MMP3: variants seen among roughly 807,000 people sequenced by gnomAD.
MMP3 encodes the protein matrix metallopeptidase 3.
In MMP3, 46 loss-of-function variants were observed where a neutral mutation model predicts 47.3. That is an observed-to-expected ratio of 0.97 (90% CI 0.77 to 1.24). MMP3 has a LOEUF of 1.24. Ranked by LOEUF, MMP3 falls within the 50% of genes most tolerant of loss-of-function variation. The pLI, the probability that MMP3 is intolerant of heterozygous loss-of-function variation, is 0.00. For missense variants in MMP3, 558 were observed against 565.5 expected, an observed-to-expected ratio of 0.99 and a Z score of 0.13; for synonymous variants, 216 against 206.5, an observed-to-expected ratio of 1.05 and a Z score of -0.39.
chr11:102,838,627 C>T lies in MMP3; in HGVS notation c.1153G>A (p.Val385Met), dbSNP rs202217886. The T allele has an allele frequency of 2.6e-4, 423 of 1,613,486 alleles. 2 individuals carry two copies. The South Asian group carries it at 2.8e-3, about 11-fold the overall frequency. Residue 385 changes from valine to methionine, a missense_variant, in exon 8 of 10, where the codon GTG becomes ATG. Coordinates refer to ENST00000299855, the MANE Select transcript of MMP3 (RefSeq NM_002422.5). The part of the protein sequence containing the change: ...GIHTLGFPPT[V>M]RKIDAAISDK... ...GAAATGGCTGCATCGATTTTCCTCA[C>T]GGTTGGAGGGAAACCTAGGGTGTGG...
chr11:102,838,552 T>A lies in MMP3; in HGVS notation c.1228A>T (p.Arg410Ter), dbSNP rs1378359129. 4.3e-6 allele frequency: 7 copies of A among 1,610,268 alleles called. No homozygotes were observed. Among genetic ancestry groups the A allele is most frequent in the Non-Finnish European group, 5.9e-6 (7 of 1,178,852 alleles). ...AAAGTCATTTCTCTTGCATCTCACC[T>A]CCAGTATTTGTCCTCTACAAAGAAA... ...TYFFVEDKYWRFDEKRNSMEP... is the reference protein window; with the variant it reads ...TYFFVEDKYW Residue 410 changes from arginine (R) to a stop codon, truncating the protein, a stop_gained and splice_region_variant, in exon 8 of 10, where the codon AGA (arginine) becomes TGA (stop). Coordinates refer to ENST00000299855, the MANE Select transcript of MMP3 (RefSeq NM_002422.5). LOFTEE classifies it high-confidence loss of function.
In MMP3 at chr11:102,836,198, T is replaced by C; in HGVS notation, c.1362A>G (p.Ser454=). 2.5e-6 allele frequency: 4 copies of C among 1,613,740 alleles called. No homozygotes were observed. The highest frequency in any genetic ancestry group is 2.5e-6 in the Non-Finnish European group (3 of 1,179,798). ...FGFFYFFTGS[S]QLEFDPNAKK... ...TTGCATTTGGGTCAAACTCCAACTGTGAAGATCCAGTAAAGAAATAAAAGA... is the reference window on the plus strand; with the variant it reads ...TTGCATTTGGGTCAAACTCCAACTGCGAAGATCCAGTAAAGAAATAAAAGA... Residue 454 remains serine (S), a synonymous_variant, in exon 10 of 10, where the codon TCA becomes TCG. Transcript: ENST00000299855. This position sits in a 1 kb window ranked among gnomAD's most constrained non-coding sequence, Gnocchi z 4.6.
At chr11:102,842,405 T>TTTTTTTTTTTTTTTTTTTTTTTTTTTTC in intron 3 of MMP3, 26 bp downstream of exon 3, 2 of 180,190 alleles carry the variant, frequency 1.1e-5, no homozygotes, top group Non-Finnish European at 1.5e-5. Flanking sequence ...TTTGTTTTGC[T>TTTTTTTTTTTTTTTTTTTTTTTTTTTTC]TTTTTTTTTT....
chr11:102,836,697 G>C lies in MMP3; in HGVS notation c.1334-471C>G. On this transcript the variant is annotated intron_variant, in intron 9 of 9. Transcript: ENST00000299855. This position sits in a 1 kb window ranked among gnomAD's most constrained non-coding sequence, Gnocchi z 4.6. The stretch of plus-strand genomic sequence containing the variant: ...CACAGCAACTATTTCAAAACACCAG[G>C]GGACCCTTTAGTGCTCTGCAAACAT... The C allele has an allele frequency of 2.5e-6, 1 of 392,208 alleles. No homozygotes were observed. Among genetic ancestry groups the C allele is most frequent in the African/African-American group, 2.1e-5 (1 of 47,770 alleles). 24.3% of individuals were successfully genotyped at this position (392,208 alleles called of 1,614,324 possible).
chr11:102,838,759 C>A, intron 7 of MMP3, 49 bp from the exon 8 acceptor site: 1 of 1,554,312 alleles, frequency 6.4e-7, no homozygotes, highest in East Asian at 2.3e-5. Flanking sequence ...AACAGTTAAG[C>A]CCTTTCGCTT....
chr11:102,836,817 C>T lies in MMP3; in HGVS notation c.1333+481G>A. On this transcript the variant is annotated intron_variant, in intron 9 of 9. Coordinates refer to ENST00000299855, the MANE Select transcript of MMP3 (RefSeq NM_002422.5). The surrounding 1 kb of genome is among the most constrained non-coding windows in gnomAD (Gnocchi z 4.6). ...TTTTTTTTTTTTTAAACTTTGGGCACATGGAAAGGTAAGTATTTGCAAATG... is the reference window on the plus strand; with the variant it reads ...TTTTTTTTTTTTTAAACTTTGGGCATATGGAAAGGTAAGTATTTGCAAATG... 4.4e-6 allele frequency: 1 copy of T among 224,902 alleles called. No homozygotes were observed. Among genetic ancestry groups the T allele is most frequent in the Non-Finnish European group, 8.9e-6 (1 of 112,088 alleles). The allele number at this position is 224,902 out of a possible 1,614,324, so 13.9% of individuals were successfully genotyped here. A position where few individuals can be genotyped will look rare whatever the true frequency, so the allele number is the denominator to read the frequency against.
intron 8 of MMP3, among the ~76,000 whole-genome samples, chr11:102,838,180 C>T (rs1176689703): frequency 6.6e-6 from 1 of 152,082 alleles, no homozygotes; most frequent in Non-Finnish European, 1.5e-5. Flanking sequence ...CGCTAAATTG[C>T]GGTCTGGGTT....
intron 4 of MMP3, among the ~76,000 whole-genome samples, chr11:102,841,718 A>G (rs1555005447): frequency 6.6e-6 from 1 of 152,044 alleles, no homozygotes. Flanking sequence ...GCCAGAAAAA[A>G]AAAAAAAAGA....
rs782182277 is a variant in MMP3 at position 102,838,572 on chromosome 11, A to G, written c.1208T>C (p.Phe403Ser). 11 of 1,613,744 alleles carry G rather than the reference A, an allele frequency of 6.8e-6. No individual in the cohort carries two copies. The highest frequency in any genetic ancestry group is 1.1e-5 in the South Asian group (1 of 90,990). Reference sequence around the variant, plus strand: ...TCACCTCCAGTATTTGTCCTCTACAAAGAAATATGTTTTGTTCTTTTCCTT... The same window carrying G: ...TCACCTCCAGTATTTGTCCTCTACAGAGAAATATGTTTTGTTCTTTTCCTT... Reference protein sequence around the residue: ...SDKEKNKTYFFVEDKYWRFDE... With the variant: ...SDKEKNKTYFSVEDKYWRFDE... The change falls in exon 8 of 10, where the codon TTT (phenylalanine) becomes TCT (serine). Residue 403 changes from phenylalanine to serine, a missense_variant. Phe to Ser is a radical substitution (Grantham distance 155, BLOSUM62 -2). Transcript: ENST00000299855.
In MMP3 at chr11:102,840,530, G is replaced by A; in HGVS notation, c.689C>T (p.Ala230Val). 1 of 1,614,088 alleles carries A rather than the reference G, an allele frequency of 6.2e-7. No individual in the cohort carries two copies. Among genetic ancestry groups the A allele is most frequent in the Non-Finnish European group, 8.5e-7 (1 of 1,179,990 alleles). ...IGHSLGLFHS[A>V]NTEALMYPLY... is the part of the protein sequence containing the mutation. ...TGGGTACATCAAAGCTTCAGTGTTG[G>A]CTGAGTGAAAGAGACCCAGGGAGTG... The change falls in exon 5 of 10, where the codon GCC becomes GTC. Residue 230 changes from alanine (A) to valine (V), a missense_variant. Ala to Val is a moderately conservative substitution (Grantham distance 64, BLOSUM62 0). Transcript: ENST00000299855.
At chr11:102,843,358 T>C in intron 1 of MMP3, 84 bp downstream of exon 1, 2 of 920,288 alleles carry the variant, frequency 2.2e-6, no homozygotes. Flanking sequence ...GCTCAAGCAT[T>C]CTATGTGGGT....
At chr11:102,841,066 A>G (rs1001019605) in intron 4 of MMP3, among the ~76,000 whole-genome samples, 3 of 152,242 alleles carry the variant, frequency 2.0e-5, no homozygotes, top group Admixed American at 2.0e-4. Context: ...CCTCATCATC[A>G]TGAAGTACAT....
intron 4 of MMP3, among the ~76,000 whole-genome samples, chr11:102,841,154 T>C (rs1343520560): frequency 6.6e-6 from 1 of 152,214 alleles, no homozygotes; most frequent in Non-Finnish European, 1.5e-5. Flanking sequence ...TGCCCAATCA[T>C]GTCTAGCATT....
intron 7 of MMP3, 64 bp from the exon 8 acceptor site, chr11:102,838,774 A>G: frequency 1.3e-6 from 2 of 1,505,952 alleles, no homozygotes; most frequent in Non-Finnish European, 1.8e-6. Flanking sequence ...TCGCTTTAGA[A>G]ATACACTTTA....
chr11:102,838,667 T>C lies in MMP3; in HGVS notation c.1113A>G (p.Gly371=). 2 of 1,613,940 alleles carry C rather than the reference T, an allele frequency of 1.2e-6. No individual in the cohort carries two copies. Among genetic ancestry groups the C allele is most frequent in the Non-Finnish European group, 1.7e-6 (2 of 1,179,902 alleles). ...WAIRGNEVRA[G]YPRGIHTLGF... Reference sequence around the variant, plus strand: ...CTAGGGTGTGGATGCCTCTTGGGTATCCAGCTCGTACCTCATTTCCTCTGA... The same window carrying C: ...CTAGGGTGTGGATGCCTCTTGGGTACCCAGCTCGTACCTCATTTCCTCTGA... The change falls in exon 8 of 10, where the codon GGA becomes GGG. Residue 371 remains glycine, a synonymous_variant. Transcript: ENST00000299855.
rs377586699 is a variant in MMP3, at chr11:102,837,369, C to T, written c.1262G>A (p.Gly421Asp). 5.0e-6 allele frequency: 8 copies of T among 1,613,488 alleles called. No homozygotes were observed. In the African/African-American group the frequency reaches 8.0e-5, roughly 16 times the overall value. Residue 421 changes from glycine to aspartate, a missense_variant, in exon 9 of 10, where the codon GGC becomes GAC. Physicochemically the swap from Gly to Asp is moderately conservative, Grantham distance 94. Transcript: ENST00000299855. This position sits in a 1 kb window ranked among gnomAD's most constrained non-coding sequence, Gnocchi z 4.4. ...GTCTTCAGCTATTTGCTTGGGAAAGCCTGGCTCCATGGAATTTCTCTTCTC... is the reference window on the plus strand; with the variant it reads ...GTCTTCAGCTATTTGCTTGGGAAAGTCTGGCTCCATGGAATTTCTCTTCTC... ...FDEKRNSMEP[G>D]FPKQIAEDFP... is the part of the protein sequence containing the mutation.
rs781850506 is a variant in MMP3 at position 102,839,209 on chromosome 11, G to T, written c.970C>A (p.Pro324Thr). 26 of 1,613,958 alleles carry T rather than the reference G, an allele frequency of 1.6e-5. No homozygotes were observed. The highest frequency in any genetic ancestry group is 2.0e-5 in the Non-Finnish European group (24 of 1,179,998). ...AATGAAGAGATCAAATGCAATTCAGGTTCAAGCTTCCTGAGGGATTTGCGC... is the reference window on the plus strand; with the variant it reads ...AATGAAGAGATCAAATGCAATTCAGTTTCAAGCTTCCTGAGGGATTTGCGC... Reference protein sequence around the residue: ...FWRKSLRKLEPELHLISSFWP... With the variant: ...FWRKSLRKLETELHLISSFWP... The change falls in exon 7 of 10, where the codon CCT becomes ACT. Residue 324 changes from proline (P) to threonine (T), a missense_variant. Pro to Thr is a conservative substitution (Grantham distance 38). Transcript: ENST00000299855.
Position 102,836,416 on chromosome 11 carries a change from G to A in MMP3, c.1334-190C>T. ...ATTTCTGCAACAACCCTATGAGGTT[G>A]TATGTCTAACTCCATTTACAGATTG... On this transcript the variant is annotated intron_variant, in intron 9 of 9. Transcript: ENST00000299855. This position sits in a 1 kb window ranked among gnomAD's most constrained non-coding sequence, Gnocchi z 4.6. 2 of 656,090 alleles carry A rather than the reference G, an allele frequency of 3.0e-6. No individual in the cohort carries two copies. Among genetic ancestry groups the A allele is most frequent in the Non-Finnish European group, 2.9e-6 (1 of 347,806 alleles). The allele number at this position is 656,090 out of a possible 1,614,324, so 40.6% of individuals were successfully genotyped here. A position where few individuals can be genotyped will look rare whatever the true frequency, so the allele number is the denominator to read the frequency against.
chr11:102,839,358 A>G, intron 6 of MMP3, 115 bp from the exon 7 acceptor site: 1 of 1,224,138 alleles, frequency 8.2e-7, no homozygotes, highest in African/African-American at 1.5e-5. Context: ...TCTAGGCTGG[A>G]TGACAGATAG....
Sources: gnomAD v4.1 joint callset for allele counts (sites outside exome capture counted in the v4.1 genomes callset) on GRCh38, gnomAD v4.1.1 for gene constraint, Gnocchi (gnomAD v3.1) non-coding constraint, MANE v1.5 for transcripts, NCBI Gene and HGNC (gene_info 2026-07-23, HGNC 2026-07-21) for gene names.